The following AKAP13 variants were observed in gnomAD, a reference collection of about 807,000 sequenced individuals.
The protein encoded by AKAP13 is A-kinase anchoring protein 13.
AKAP13 carries 80 observed loss-of-function variants against 264.5 expected under a neutral mutation model. That is an observed-to-expected ratio of 0.30 (90% CI 0.25 to 0.36). The LOEUF (loss-of-function observed/expected upper bound fraction) is 0.36. Among genes scored for constraint, AKAP13 ranks in the 10% least tolerant of loss-of-function variants. The pLI, the probability that AKAP13 is intolerant of heterozygous loss-of-function variation, is 1.00. For missense variants in AKAP13, 3,712 were observed against 3,435.2 expected, an observed-to-expected ratio of 1.08 and a Z score of -2.01; for synonymous variants, 1,380 against 1,250.2, an observed-to-expected ratio of 1.10 and a Z score of -2.19.
chr15:85,674,481 A>C (rs2084106476), intron 14 of AKAP13, among the ~76,000 whole-genome samples: 1 of 152,236 alleles, frequency 6.6e-6, no homozygotes, highest in Non-Finnish European at 1.5e-5. Flanking sequence ...GCATTTCAGA[A>C]GGAATACTCT....
Position 85,744,897 on chromosome 15 carries a change from CCAGGACTCT to C in AKAP13, c.*225_*233del. 1 of 485,808 alleles carries C rather than the reference CCAGGACTCT, an allele frequency of 2.1e-6. No individual in the cohort carries two copies. The highest frequency in any genetic ancestry group is 3.6e-6 in the Non-Finnish European group (1 of 277,344). The allele number at this position is 485,808 out of a possible 1,614,324, so 30.1% of individuals were successfully genotyped here. A position where few individuals can be genotyped will look rare whatever the true frequency, so the allele number is the denominator to read the frequency against. On this transcript the variant is annotated 3_prime_UTR_variant, in exon 37 of 37. Transcript: ENST00000394518. ...TGCTTCGGCCATGATTTGTGACTGCCCAGGACTCTCAGGTTGGGCTGGCCCTACTCAGGA... is the reference window on the plus strand; with the variant it reads ...TGCTTCGGCCATGATTTGTGACTGCCCAGGTTGGGCTGGCCCTACTCAGGA...
rs2080902588 is a variant in AKAP13 at position 85,615,618 on chromosome 15, TTTAGA to T, written c.4162-23752_4162-23748del. ...CTCTGGATGGATCACTATATTTAAG[TTTAGA>T]TTAATGAAAATTGTTGACTGTGGTA... is the stretch of plus-strand genomic sequence containing the variant. On this transcript the variant is annotated intron_variant, in intron 8 of 36. Transcript: ENST00000394518. Among the ~76,000 whole-genome samples, 5 of 152,326 alleles carry T rather than the reference TTTAGA, an allele frequency of 3.3e-5. No individual in the cohort carries two copies. The Middle Eastern group carries it at 0.017, about 518-fold the overall frequency.
intron 1 of AKAP13, among the ~76,000 whole-genome samples, chr15:85,442,224 G>A (rs4433766): frequency 1 from 149,448 of 149,854 alleles, 74,538 homozygotes; most frequent in Middle Eastern, 1. Flanking sequence ...AGCCTGGCCA[G>A]CATGGTGAAA....
chr15:85,648,749 A>G (rs431380), intron 10 of AKAP13, among the ~76,000 whole-genome samples: 96,030 of 151,856 alleles, frequency 0.63, 30,500 homozygotes, highest in Middle Eastern at 0.71. Context: ...TGAGGTGGGA[A>G]GATCACTTAA....
intron 5 of AKAP13, chr15:85,544,168 T>C: frequency 2.9e-6 from 2 of 693,062 alleles, no homozygotes; most frequent in Non-Finnish European, 5.2e-6. Context: ...CCATTTTCTC[T>C]CTCGTCTGCC....
chr15:85,739,890 T>C (rs1478208451), intron 33 of AKAP13, among the ~76,000 whole-genome samples: 1 of 152,236 alleles, frequency 6.6e-6, no homozygotes, highest in Non-Finnish European at 1.5e-5. Flanking sequence ...ACATGCTAAA[T>C]TGTTATGAGA....
intron 1 of AKAP13, among the ~76,000 whole-genome samples, chr15:85,440,371 A>G (rs1424874276): frequency 6.6e-6 from 1 of 152,170 alleles, no homozygotes; most frequent in Admixed American, 6.5e-5. Context: ...TTTTCCTGGA[A>G]TTTATTCATG....
chr15:85,501,786 GATGTCAGTAT>G (rs547845656), intron 2 of AKAP13, among the ~76,000 whole-genome samples: 114 of 152,330 alleles, frequency 7.5e-4, no homozygotes, highest in African/African-American at 2.6e-3. Flanking sequence ...GGCTTTTAAT[GATGTCAGTAT>G]ATTGCTCCTC....
In AKAP13 at chr15:85,695,428, G is replaced by C. The variant is rs79985009; in HGVS notation, c.5464+1977G>C. 4.1e-3 allele frequency among the ~76,000 whole-genome samples: 624 copies of C among 152,182 alleles called. 6 individuals carry two copies. Among genetic ancestry groups the C allele is most frequent in the East Asian group, 0.027 (138 of 5,168 alleles). ...CAAAAAAACACACACAAAAAAACGT[G>C]TATTTGGACAGATTGGAAGTTACTT... is the stretch of plus-strand genomic sequence containing the variant. On this transcript the variant is annotated intron_variant, in intron 17 of 36. Coordinates refer to ENST00000394518, the MANE Select transcript of AKAP13 (RefSeq NM_007200.5).
intron 1 of AKAP13, chr15:85,480,734 C>T (rs535369876): frequency 1.3e-5 from 2 of 152,106 alleles, no homozygotes; most frequent in African/African-American, 4.8e-5. Flanking sequence ...GTTGCCCAGG[C>T]TGGAGTGCAG....
At chr15:85,409,176 TTTTAA>T (rs772591320) in intron 1 of AKAP13, among the ~76,000 whole-genome samples, 5 of 151,832 alleles carry the variant, frequency 3.3e-5, no homozygotes, top group African/African-American at 7.3e-5. Flanking sequence ...TTTTATTTTA[TTTTAA>T]TTTAATTATT....
At chr15:85,642,161 A>G (rs2082336021) in intron 9 of AKAP13, among the ~76,000 whole-genome samples, 1 of 152,218 alleles carries the variant, frequency 6.6e-6, no homozygotes, top group Non-Finnish European at 1.5e-5. Flanking sequence ...TTCATTAGAC[A>G]CATATATCAC....
chr15:85,524,875 C>CTG (rs61626116), intron 3 of AKAP13, among the ~76,000 whole-genome samples: 25,794 of 147,078 alleles, frequency 0.18, 2,704 homozygotes, highest in Middle Eastern at 0.3. Context: ...CCCCATTCCC[C>CTG]TGTGTGTGTG....
intron 17 of AKAP13, chr15:85,701,998 C>G (rs1051087881): frequency 6.6e-6 from 1 of 152,152 alleles, no homozygotes; most frequent in African/African-American, 2.4e-5. Flanking sequence ...GTAATCCCAG[C>G]ACTTTAGGAG....
chr15:85,575,238 C>T lies in AKAP13; in HGVS notation c.770C>T (p.Ser257Phe). The change falls in exon 6 of 37, where the codon TCT (serine) becomes TTT (phenylalanine). Residue 257 changes from serine (S) to phenylalanine (F), a missense_variant. Transcript: ENST00000394518. Reference protein sequence around the residue: ...HRELDIYTLTSESDSHHEHPF... With the variant: ...HRELDIYTLTFESDSHHEHPF... ...GAGTTGGACATCTATACATTAACCTCTGAGTCTGATTCACATCATGAACAC... is the reference window on the plus strand; with the variant it reads ...GAGTTGGACATCTATACATTAACCTTTGAGTCTGATTCACATCATGAACAC... 1.2e-6 allele frequency: 2 copies of T among 1,614,186 alleles called. No individual in the cohort carries two copies. The highest frequency in any genetic ancestry group is 1.7e-6 in the Non-Finnish European group (2 of 1,180,036).
At chr15:85,472,516 A>T (rs2074998598) in intron 1 of AKAP13, among the ~76,000 whole-genome samples, 1 of 152,212 alleles carries the variant, frequency 6.6e-6, no homozygotes, top group African/African-American at 2.4e-5. Context: ...ATTTTAAAAA[A>T]TGTAGACAAA....
chr15:85,513,085 G>A (rs1309620881), intron 2 of AKAP13, among the ~76,000 whole-genome samples: 3 of 152,096 alleles, frequency 2.0e-5, no homozygotes, highest in African/African-American at 7.2e-5. Flanking sequence ...GATTACAGGC[G>A]TGAGCCACCG....
chr15:85,392,857 A>C (rs1048238818), intron 1 of AKAP13, among the ~76,000 whole-genome samples: 1 of 152,250 alleles, frequency 6.6e-6, no homozygotes, highest in African/African-American at 2.4e-5. Context: ...TGAACTGAGC[A>C]TGAAGTTGTT....
chr15:85,507,353 A>G (rs1248242472), intron 2 of AKAP13, among the ~76,000 whole-genome samples: 2 of 148,768 alleles, frequency 1.3e-5, no homozygotes, highest in African/African-American at 4.9e-5. Context: ...CCATTTCTTT[A>G]TGTATTGTCT....
Sources: allele counts gnomAD v4.1 joint callset (sites outside exome capture counted in the v4.1 genomes callset), GRCh38; gene constraint gnomAD v4.1.1; transcripts MANE v1.5; gene names NCBI Gene and HGNC (gene_info 2026-07-23, HGNC 2026-07-21).